Variants in ABCC3 observed in about 807,000 individuals in gnomAD.
ABCC3 encodes ATP binding cassette subfamily C member 3.
Under a neutral mutation model 165.3 loss-of-function variants are expected in ABCC3, and 121 were observed. The ratio of observed to expected loss-of-function variants is 0.73; its 90% CI spans 0.63 to 0.85. The LOEUF is 0.85. Ranked by LOEUF, ABCC3 falls within the 40% of genes least tolerant of loss-of-function variation. The probability of loss-of-function intolerance (pLI) is 0.00; values close to 1 mark genes in which losing one functional copy is unlikely to be tolerated. For synonymous variants in ABCC3, 733 were observed against 810.1 expected (o/e 0.90, Z 1.62); for missense variants, 1,869 against 1,964.1 (o/e 0.95, Z 0.92).
chr17:50,666,305 C>G (rs1250514851), intron 11 of ABCC3, among the ~76,000 whole-genome samples: 2 of 152,116 alleles, frequency 1.3e-5, no homozygotes, highest in African/African-American at 4.8e-5. Context: ...AACCCCGTCT[C>G]TACTAAAAAT....
intron 1 of ABCC3, among the ~76,000 whole-genome samples, chr17:50,653,344 C>CAAAAAAAAAAAA (rs1298179994): frequency 1.3e-3 from 63 of 46,880 alleles, no homozygotes; most frequent in Non-Finnish European, 2.1e-3. Flanking sequence ...GAGACTGTCT[C>CAAAAAAAAAAAA]AAAAAAAAAA....
At position 50,676,302 on chromosome 17, in the gene ABCC3, TG is replaced by T. The variant is rs1282497530; in HGVS notation, c.3094del (p.Ala1032ProfsTer38). 3.1e-6 allele frequency: 5 copies of T among 1,613,466 alleles called. No homozygotes were observed. Among genetic ancestry groups the T allele is most frequent in the African/African-American group, 2.7e-5 (2 of 74,898 alleles). ...GGGTTCTTGGTGATGCTGGCAGCCA[TG>T]GCCATGGCAGCGGGTGGCATCCAGG... The part of the protein sequence containing the change: ...LQGFLVMLAA[M>X]AMAAGGIQAA... On this transcript the variant is annotated frameshift_variant, in exon 23 of 31. Transcript: ENST00000285238. LOFTEE classifies it high-confidence loss of function.
rs781396307 is a variant in ABCC3, at chr17:50,667,713, C to T, written c.1591C>T (p.Leu531Phe). 2.5e-6 allele frequency: 4 copies of T among 1,614,036 alleles called. No individual in the cohort carries two copies. In the South Asian group the frequency reaches 3.3e-5, roughly 13 times the overall value. ...CCAGCTGCTGCGCACGGCGGCCTAC[C>T]TCCACACCACAACCACCTTCACCTG... The part of the protein sequence containing the change: ...ELQLLRTAAY[L>F]HTTTTFTWMC... Residue 531 changes from leucine to phenylalanine, a missense_variant, in exon 12 of 31, where the codon CTC becomes TTC. Coordinates refer to ENST00000285238, the MANE Select transcript of ABCC3 (RefSeq NM_003786.4).
chr17:50,668,564 G>A, intron 14 of ABCC3, 47 bp downstream of exon 14: 1 of 1,464,610 alleles, frequency 6.8e-7, no homozygotes, highest in Non-Finnish European at 9.5e-7. Flanking sequence ...CCTTGCTCCA[G>A]AAAAACCTCT....
At chr17:50,669,061 T>G (rs1967586342) in intron 15 of ABCC3, 79 bp from the exon 16 acceptor site, 2 of 1,595,292 alleles carry the variant, frequency 1.3e-6, no homozygotes, top group Non-Finnish European at 8.6e-7. Context: ...GGCGGAGGGC[T>G]TGGTTCTGCA....
At chr17:50,674,437 G>A (rs1441702761) in intron 19 of ABCC3, 1 of 152,144 alleles carries the variant, frequency 6.6e-6, no homozygotes, top group Non-Finnish European at 1.5e-5. Flanking sequence ...GCTGCTTCAT[G>A]GATAAATAGT....
At chr17:50,673,278 A>G (rs1967687454) in intron 18 of ABCC3, 140 bp downstream of exon 18, 2 of 1,278,302 alleles carry the variant, frequency 1.6e-6, no homozygotes, top group African/African-American at 3.0e-5. Context: ...GCATCAGGAG[A>G]AACCTGTGGG....
intron 26 of ABCC3, 105 bp from the exon 27 acceptor site, chr17:50,683,505 G>A: frequency 7.6e-7 from 1 of 1,316,114 alleles, no homozygotes. Flanking sequence ...ACCCTCCCAG[G>A]GACCATAGTT....
At chr17:50,636,779 T>A (rs1192253084) in intron 1 of ABCC3, among the ~76,000 whole-genome samples, 1 of 152,242 alleles carries the variant, frequency 6.6e-6, no homozygotes, top group African/African-American at 2.4e-5. Flanking sequence ...ACTCCCTTTT[T>A]GTCCCATGTT....
rs1290220058 is a variant in ABCC3 at position 50,679,865 on chromosome 17, A to G, written c.3773A>G (p.Glu1258Gly). The part of the protein sequence containing the change: ...SDLESNIVAV[E>G]RVKEYSKTET... ...TTGGAATCTAACATCGTGGCTGTGG[A>G]GAGGGTCAAGGAGTACTCCAAGACA... Residue 1258 changes from glutamate (E) to glycine (G), a missense_variant, in exon 26 of 31, where the codon GAG (glutamate) becomes GGG (glycine). Glu to Gly is a moderately conservative substitution (Grantham distance 98). Coordinates refer to ENST00000285238, the MANE Select transcript of ABCC3 (RefSeq NM_003786.4). 6.2e-7 allele frequency: 1 copy of G among 1,614,114 alleles called. No individual in the cohort carries two copies. Among genetic ancestry groups the G allele is most frequent in the East Asian group, 2.2e-5 (1 of 44,874 alleles).
intron 18 of ABCC3, 98 bp downstream of exon 18, chr17:50,673,236 T>G: frequency 6.8e-7 from 1 of 1,479,296 alleles, no homozygotes; most frequent in South Asian, 1.2e-5. Context: ...CTTGGAGGTG[T>G]GGGGGGCGCA....
rs1455872035 is a variant in ABCC3 at position 50,655,824 on chromosome 17, G to A, written c.46-8G>A. On this transcript the variant is annotated splice_polypyrimidine_tract_variant and splice_region_variant and intron_variant, in intron 1 of 30. Transcript: ENST00000285238. ...GCCACAGCACTAAACTGTTCTCTGT[G>A]TCCCCAGGACTCCAACCTGTCTGTG... 1.9e-6 allele frequency: 3 copies of A among 1,613,360 alleles called. No individual in the cohort carries two copies. The highest frequency in any genetic ancestry group is 1.7e-5 in the Admixed American group (1 of 59,968).
Position 50,658,498 on chromosome 17 carries a change from T to A in ABCC3, c.674+2T>A. On this transcript the variant is annotated splice_donor_variant, in intron 6 of 30. Coordinates refer to ENST00000285238, the MANE Select transcript of ABCC3 (RefSeq NM_003786.4). LOFTEE classifies it high-confidence loss of function. ...CCTGTTTTTCTGGTGGTTCACAAAG[T>A]GAGTTGGCTCTTCCACCAGCCAGGC... 1 of 1,613,368 alleles carries A rather than the reference T, an allele frequency of 6.2e-7. No individual in the cohort carries two copies. The highest frequency in any genetic ancestry group is 8.5e-7 in the Non-Finnish European group (1 of 1,179,396).
At chr17:50,679,702 T>C in intron 25 of ABCC3, 96 bp from the exon 26 acceptor site, 1 of 1,191,452 alleles carries the variant, frequency 8.4e-7, no homozygotes, top group South Asian at 1.3e-5. Context: ...TAGGATCCCA[T>C]GGATGGGCAC....
chr17:50,687,408 G>A (rs947158465), intron 29 of ABCC3, 128 bp from the exon 30 acceptor site: 7 of 872,448 alleles, frequency 8.0e-6, no homozygotes, highest in Non-Finnish European at 1.2e-5. Flanking sequence ...GCTGGGCTGT[G>A]GCAGAAATGG....
chr17:50,657,221 C>A lies in ABCC3; in HGVS notation c.486+38C>A, dbSNP rs780958099. ...GAGAGGGGAACCTGCCAGGTTTAGCCCTGATAGGAGGGTGACCTCAGGGTT... is the reference window on the plus strand; with the variant it reads ...GAGAGGGGAACCTGCCAGGTTTAGCACTGATAGGAGGGTGACCTCAGGGTT... On this transcript the variant is annotated intron_variant, in intron 4 of 30. Coordinates refer to ENST00000285238, the MANE Select transcript of ABCC3 (RefSeq NM_003786.4). 9 of 1,604,766 alleles carry A rather than the reference C, an allele frequency of 5.6e-6. No individual in the cohort carries two copies. The South Asian group carries it at 7.8e-5, about 14-fold the overall frequency.
Position 50,665,205 on chromosome 17 carries a change from C to T in ABCC3, c.1391C>T (p.Pro464Leu). Residue 464 changes from proline to leucine, a missense_variant, in exon 11 of 31, where the codon CCA (proline) becomes CTA (leucine). Pro to Leu is a moderately conservative substitution (Grantham distance 98). Transcript: ENST00000285238. ...GTCGCTTTCATGGTCTTGCTGATTC[C>T]ACTCAACGGAGCTGTGGCCGTGAAG... ...AGVAFMVLLI[P>L]LNGAVAVKMR... The T allele has an allele frequency of 1.2e-6, 2 of 1,613,918 alleles. No individual in the cohort carries two copies. The highest frequency in any genetic ancestry group is 8.5e-7 in the Non-Finnish European group (1 of 1,179,910).
chr17:50,660,024 A>C (rs1252299588), intron 7 of ABCC3, among the ~76,000 whole-genome samples: 1 of 152,094 alleles, frequency 6.6e-6, no homozygotes, highest in Admixed American at 6.5e-5. Flanking sequence ...GAAGCACAGA[A>C]ATTTAACAGA....
chr17:50,655,120 G>T (rs1260149635), intron 1 of ABCC3, among the ~76,000 whole-genome samples: 4 of 22,078 alleles, frequency 1.8e-4, no homozygotes, highest in South Asian at 2.0e-3. Flanking sequence ...AAAAAAAAAA[G>T]AGTGAGGGCC....
Sources: gnomAD v4.1 joint callset for allele counts (sites outside exome capture counted in the v4.1 genomes callset) on GRCh38, gnomAD v4.1.1 for gene constraint, MANE v1.5 for transcripts, NCBI Gene and HGNC (gene_info 2026-07-23, HGNC 2026-07-21) for gene names.